The following MAF variants were observed in gnomAD, a reference collection of about 807,000 sequenced individuals.
MAF encodes transcription factor Maf.
Under a neutral mutation model 22.0 loss-of-function variants are expected in MAF, and 10 were observed. The observed-to-expected ratio is 0.45, with a 90% CI of 0.28 to 0.77. The LOEUF (loss-of-function observed/expected upper bound fraction) is 0.77, where lower values mean the gene tolerates loss of function less well. MAF is among the 30% of genes least tolerant of loss of function. MAF has a pLI of 0.12. For synonymous variants in MAF, 337 were observed against 255.8 expected, an observed-to-expected ratio of 1.32 and a Z score of -3.03; for missense variants, 544 against 548.4, an observed-to-expected ratio of 0.99 and a Z score of 0.08.
the MAF span, among the ~76,000 whole-genome samples, chr16:79,343,484 A>G: frequency 6.6e-6 from 1 of 152,198 alleles, no homozygotes; most frequent in Non-Finnish European, 1.5e-5. Context: ...ACAAAAAATT[A>G]TACACACCAC....
chr16:79,320,667 T>C, the MAF span, among the ~76,000 whole-genome samples: 3 of 152,208 alleles, frequency 2.0e-5, no homozygotes, highest in African/African-American at 7.2e-5. Flanking sequence ...CTCCAGCTTC[T>C]AGGGTTGCAT....
At chr16:79,448,377 ATTTT>A in the MAF span, among the ~76,000 whole-genome samples, 4 of 141,718 alleles carry the variant, frequency 2.8e-5, no homozygotes, top group Admixed American at 7.0e-5. Context: ...GAATGCTAGC[ATTTT>A]TTTTTTTTTT....
chr16:79,598,101 A>G (rs1160635472), intron 1 of MAF: 1 of 1,036,440 alleles, frequency 9.6e-7, no homozygotes, highest in African/African-American at 1.7e-5. Flanking sequence ...AACATTTCAC[A>G]TTTTTTTTTC....
At chr16:79,271,078 T>TG in the MAF span, among the ~76,000 whole-genome samples, 1 of 104,350 alleles carries the variant, frequency 9.6e-6, no homozygotes, top group African/African-American at 4.4e-5. Flanking sequence ...CTGGCATTTT[T>TG]TTTTATTTTT....
rs1913838070 is a variant in MAF at position 79,599,344 on chromosome 16, G to C, written c.559C>G (p.His187Asp). 1.1e-6 allele frequency: 1 copy of C among 948,422 alleles called. No individual in the cohort carries two copies. 58.8% of individuals were successfully genotyped at this position (948,422 alleles called of 1,614,324 possible). The change falls in exon 1 of 2, where the codon CAC (histidine) becomes GAC (aspartate). Residue 187 changes from histidine (H) to aspartate (D), a missense_variant. His to Asp is a moderately conservative substitution (Grantham distance 81). Around this residue, in one of 5 missense-constraint regions of MAF, gnomAD observed 342 missense variants for 315.5 expected, o/e 1.08. Coordinates refer to ENST00000326043, the MANE Select transcript of MAF (RefSeq NM_005360.5). Reference protein sequence around the residue: ...AGPHYHHHHHHAAGHHHHPTA... With the variant: ...AGPHYHHHHHDAAGHHHHPTA... Reference sequence around the variant, plus strand: ...GGGTGGTGGTGGTGGCCGGCGGCGTGGTGGTGGTGGTGGTGGTAGTGCGGG... The same window carrying C: ...GGGTGGTGGTGGTGGCCGGCGGCGTCGTGGTGGTGGTGGTGGTAGTGCGGG...
the MAF span, among the ~76,000 whole-genome samples, chr16:79,508,508 G>A: frequency 1.3e-5 from 2 of 152,156 alleles, no homozygotes; most frequent in Non-Finnish European, 2.9e-5. Context: ...CTGCTCAGCA[G>A]TACTGCTTCT....
chr16:79,555,448 G>A, the MAF span, among the ~76,000 whole-genome samples: 4 of 152,144 alleles, frequency 2.6e-5, no homozygotes, highest in African/African-American at 9.7e-5. Flanking sequence ...CAGGAAAAAA[G>A]CACCGATTTT....
chr16:79,384,010 C>A, the MAF span, among the ~76,000 whole-genome samples: 3 of 152,156 alleles, frequency 2.0e-5, no homozygotes, highest in Non-Finnish European at 4.4e-5. Context: ...AGACAGCAAC[C>A]AGGTGTGACG....
At chr16:79,360,540 A>G in the MAF span, among the ~76,000 whole-genome samples, 5 of 152,198 alleles carry the variant, frequency 3.3e-5, no homozygotes, top group East Asian at 1.9e-4. Flanking sequence ...GAGACATTCA[A>G]TGAGATCTGT....
chr16:79,470,295 A>G, the MAF span, among the ~76,000 whole-genome samples: 2 of 152,096 alleles, frequency 1.3e-5, no homozygotes, highest in Admixed American at 6.5e-5. Context: ...GCCAATGAGG[A>G]CGCCCATCCG....
chr16:79,221,891 C>T, the MAF span, among the ~76,000 whole-genome samples: 12 of 152,316 alleles, frequency 7.9e-5, no homozygotes, highest in African/African-American at 2.9e-4. Flanking sequence ...CCTTTGAACA[C>T]AGGCCACTGC....
At chr16:79,370,816 C>A in the MAF span, among the ~76,000 whole-genome samples, 3 of 152,070 alleles carry the variant, frequency 2.0e-5, no homozygotes, top group Non-Finnish European at 2.9e-5. Context: ...CCTGCCCCCA[C>A]CCTCCCTTTT....
At chr16:79,302,323 T>C in the MAF span, among the ~76,000 whole-genome samples, 1 of 152,344 alleles carries the variant, frequency 6.6e-6, no homozygotes, top group East Asian at 1.9e-4. Flanking sequence ...TAATGAGCAA[T>C]GAATGCTCTG....
chr16:79,493,752 G>A, the MAF span, among the ~76,000 whole-genome samples: 5 of 152,204 alleles, frequency 3.3e-5, no homozygotes, highest in Non-Finnish European at 7.3e-5. Context: ...TGCATTATGA[G>A]CATCATGAAA....
the MAF span, among the ~76,000 whole-genome samples, chr16:79,414,514 C>A: frequency 1.3e-5 from 2 of 152,156 alleles, no homozygotes; most frequent in African/African-American, 4.8e-5. Flanking sequence ...CCTCCAGGAC[C>A]CAAACACCTG....
chr16:79,447,905 A>AAAAAAAAAAG, the MAF span, among the ~76,000 whole-genome samples: 7,390 of 85,072 alleles, frequency 0.087, 957 homozygotes, highest in East Asian at 0.23. Context: ...AAAAAAAAAA[A>AAAAAAAAAAG]AAAAGAAAAG....
Position 79,600,034 on chromosome 16 carries a change from G to A in MAF, c.-132C>T. 7.6e-7 allele frequency: 1 copy of A among 1,323,132 alleles called. No individual in the cohort carries two copies. The highest frequency in any genetic ancestry group is 1.0e-6 in the Non-Finnish European group (1 of 964,888). The allele number at this position is 1,323,132 out of a possible 1,614,324, so 82.0% of individuals were successfully genotyped here. A position where few individuals can be genotyped will look rare whatever the true frequency, so the allele number is the denominator to read the frequency against. ...TGGGGCGCTTCTAGCTTGCGCGGCG[G>A]TGGCTGGCCCGAAACCTCCGAGCGC... On this transcript the variant is annotated 5_prime_UTR_variant, in exon 1 of 2. Coordinates refer to ENST00000326043, the MANE Select transcript of MAF (RefSeq NM_005360.5).
chr16:79,524,972 C>G, the MAF span, among the ~76,000 whole-genome samples: 6 of 152,262 alleles, frequency 3.9e-5, no homozygotes, highest in East Asian at 1.2e-3. Context: ...TTTAAGGTGA[C>G]AATTTCTAAA....
the MAF span, among the ~76,000 whole-genome samples, chr16:79,384,164 C>T: frequency 3.6e-4 from 55 of 152,190 alleles, no homozygotes; most frequent in African/African-American, 1.2e-3. Flanking sequence ...AAAGTGATGG[C>T]CGGGGGTGGT....
Sources: gnomAD v4.1 joint callset for allele counts (sites outside exome capture counted in the v4.1 genomes callset) on GRCh38, gnomAD v4.1.1 for gene constraint, gnomAD v4.1.1 regional missense constraint, MANE v1.5 for transcripts, NCBI Gene and HGNC (gene_info 2026-07-23, HGNC 2026-07-21) for gene names.